The following SLC9A9 variants were observed in gnomAD, a reference collection of about 807,000 sequenced individuals.
SLC9A9 encodes the protein solute carrier family 9 member A9, also known as sodium/hydrogen exchanger 9.
In SLC9A9, 62 loss-of-function variants were observed where a neutral mutation model predicts 77.8. The observed-to-expected ratio is 0.80, with a 90% confidence interval of 0.65 to 0.98. The LOEUF (loss-of-function observed/expected upper bound fraction) is 0.98. SLC9A9 is among the 50% of genes least tolerant of loss of function. The probability of loss-of-function intolerance (pLI) is 0.00; values close to 1 mark genes in which losing one functional copy is unlikely to be tolerated. For missense variants in SLC9A9, 775 were observed against 774.9 expected (o/e 1.00, Z 0.00); for synonymous variants, 320 against 283.5 (o/e 1.13, Z -1.29).
At chr3:143,786,425 C>T (rs545025805) in intron 4 of SLC9A9, among the ~76,000 whole-genome samples, 1 of 152,226 alleles carries the variant, frequency 6.6e-6, no homozygotes, top group African/African-American at 2.4e-5. Context: ...TGCTGTTATT[C>T]TTACTGCAAC....
intron 12 of SLC9A9, among the ~76,000 whole-genome samples, chr3:143,387,428 A>C (rs1469139789): frequency 6.6e-6 from 1 of 152,158 alleles, no homozygotes; most frequent in Non-Finnish European, 1.5e-5. Flanking sequence ...TAAATATAGA[A>C]AAAATATAGG....
chr3:143,805,546 C>T (rs1360995330), intron 2 of SLC9A9, among the ~76,000 whole-genome samples: 2 of 152,054 alleles, frequency 1.3e-5, no homozygotes, highest in Non-Finnish European at 2.9e-5. Context: ...CCAGATGGCC[C>T]GAAGCAAGTG....
intron 14 of SLC9A9, among the ~76,000 whole-genome samples, chr3:143,277,984 G>C (rs1032719603): frequency 8.5e-5 from 13 of 152,172 alleles, no homozygotes; most frequent in Admixed American, 6.5e-5. Context: ...CTTAAGATAA[G>C]GGTGGCAGCT....
chr3:143,351,502 A>G (rs758484212), intron 14 of SLC9A9, among the ~76,000 whole-genome samples: 29 of 152,192 alleles, frequency 1.9e-4, no homozygotes, highest in Non-Finnish European at 3.7e-4. Flanking sequence ...GAGAGCATCA[A>G]CTTCTGTTTG....
intron 11 of SLC9A9, among the ~76,000 whole-genome samples, chr3:143,479,593 AG>A (rs893107873): frequency 9.2e-5 from 14 of 152,142 alleles, no homozygotes; most frequent in Non-Finnish European, 1.5e-4. Context: ...GCCAGGAGTA[AG>A]TCACTGCTGG....
chr3:143,631,838 A>C (rs1276481220), intron 6 of SLC9A9, among the ~76,000 whole-genome samples: 1 of 152,186 alleles, frequency 6.6e-6, no homozygotes, highest in Non-Finnish European at 1.5e-5. Context: ...TTGGACAATA[A>C]ATTTATATTT....
intron 1 of SLC9A9, among the ~76,000 whole-genome samples, chr3:143,837,586 C>A (rs939630468): frequency 6.6e-6 from 1 of 152,100 alleles, no homozygotes; most frequent in African/African-American, 2.4e-5. Flanking sequence ...TATTGATCGC[C>A]AGCCCAATGT....
At chr3:143,404,553 C>T (rs371610007) in intron 12 of SLC9A9, among the ~76,000 whole-genome samples, 2 of 152,140 alleles carry the variant, frequency 1.3e-5, no homozygotes, top group African/African-American at 4.8e-5. Flanking sequence ...TCTGTGCCCC[C>T]TCAAAAGCAG....
chr3:143,711,875 A>G (rs1934205279), intron 4 of SLC9A9, among the ~76,000 whole-genome samples: 1 of 152,236 alleles, frequency 6.6e-6, no homozygotes, highest in African/African-American at 2.4e-5. Flanking sequence ...CTGACATAAT[A>G]CTAACTGACC....
At chr3:143,674,942 T>G (rs2039214519) in intron 5 of SLC9A9, among the ~76,000 whole-genome samples, 2 of 152,182 alleles carry the variant, frequency 1.3e-5, no homozygotes, top group South Asian at 4.1e-4. Flanking sequence ...TCATCGGGGC[T>G]GTGGACTAGT....
chr3:143,436,181 G>T (rs1259340710), intron 12 of SLC9A9, among the ~76,000 whole-genome samples: 1 of 152,068 alleles, frequency 6.6e-6, no homozygotes, highest in Non-Finnish European at 1.5e-5. Context: ...GGAGAAGTGG[G>T]CTTGAACCTC....
At chr3:143,818,075 A>C (rs890202927) in intron 2 of SLC9A9, among the ~76,000 whole-genome samples, 4 of 152,198 alleles carry the variant, frequency 2.6e-5, no homozygotes, top group Admixed American at 1.3e-4. Context: ...CAAAATTTAT[A>C]GTGGTTGCAT....
intron 8 of SLC9A9, among the ~76,000 whole-genome samples, chr3:143,559,940 TC>T (rs2037052525): frequency 6.6e-6 from 1 of 152,194 alleles, no homozygotes; most frequent in Non-Finnish European, 1.5e-5. Flanking sequence ...ACTCCCTCTC[TC>T]CTTCTCTCTT....
At chr3:143,291,523 C>A (rs938740676) in intron 14 of SLC9A9, among the ~76,000 whole-genome samples, 1 of 152,166 alleles carries the variant, frequency 6.6e-6, no homozygotes, top group African/African-American at 2.4e-5. Flanking sequence ...TGTCTCTCCA[C>A]CCGAAGGGGA....
chr3:143,331,944 G>A (rs369816308), intron 14 of SLC9A9, among the ~76,000 whole-genome samples: 13 of 152,184 alleles, frequency 8.5e-5, no homozygotes, highest in African/African-American at 2.4e-4. Context: ...GAATGTTGAA[G>A]TAGGATTAGG....
intron 12 of SLC9A9, among the ~76,000 whole-genome samples, chr3:143,399,474 T>C (rs1440775255): frequency 6.6e-6 from 1 of 152,076 alleles, no homozygotes; most frequent in Non-Finnish European, 1.5e-5. Flanking sequence ...GAATCAGTGG[T>C]TTAAAATCAG....
At chr3:143,602,246 A>G (rs2037857182) in intron 6 of SLC9A9, among the ~76,000 whole-genome samples, 1 of 152,150 alleles carries the variant, frequency 6.6e-6, no homozygotes, top group Admixed American at 6.5e-5. Context: ...TCACTATGGG[A>G]CCAGCAGCAC....
At chr3:143,470,246 C>T (rs540817376) in intron 11 of SLC9A9, among the ~76,000 whole-genome samples, 73 of 151,908 alleles carry the variant, frequency 4.8e-4, no homozygotes, top group Non-Finnish European at 8.2e-4. Context: ...GAGGCTGAGG[C>T]GGGTGGTGGA....
At chr3:143,486,530 G>A (rs1328434588) in intron 11 of SLC9A9, among the ~76,000 whole-genome samples, 1 of 151,958 alleles carries the variant, frequency 6.6e-6, no homozygotes, top group Non-Finnish European at 1.5e-5. Flanking sequence ...TAACTCCACA[G>A]TTTATTTTCT....
Sources: allele counts gnomAD v4.1 joint callset (sites outside exome capture counted in the v4.1 genomes callset), GRCh38; gene constraint gnomAD v4.1.1; transcripts MANE v1.5; gene names NCBI Gene and HGNC (gene_info 2026-07-23, HGNC 2026-07-21).